The following UGT2B7 variants were observed in gnomAD, a reference collection of about 807,000 sequenced individuals.
The protein encoded by UGT2B7 is UDP glucuronosyltransferase family 2 member B7, also known as UDP-glucuronosyltransferase 2B7.
Under a neutral mutation model 51.9 loss-of-function variants are expected in UGT2B7, and 51 were observed. The ratio of observed to expected loss-of-function variants is 0.98; its 90% CI spans 0.78 to 1.24. UGT2B7 has a LOEUF of 1.24. Among genes scored for constraint, UGT2B7 ranks in the 50% most tolerant of loss-of-function variants. The probability of loss-of-function intolerance (pLI) is 0.00; values close to 1 mark genes in which losing one functional copy is unlikely to be tolerated. For synonymous variants in UGT2B7, 225 were observed against 211.6 expected (o/e 1.06, Z -0.55); for missense variants, 727 against 628.4 (o/e 1.16, Z -1.68).
chr4:69,103,112 T>TC (rs1451893246), intron 3 of UGT2B7, among the ~76,000 whole-genome samples, 174 bp downstream of exon 3: 1 of 151,524 alleles, frequency 6.6e-6, no homozygotes, highest in African/African-American at 2.4e-5. Context: ...GTTGCATTTT[T>TC]TTTTAAATGG....
At chr4:69,086,670 A>T (rs548284308) in intron 1 of UGT2B7, among the ~76,000 whole-genome samples, 1 of 151,906 alleles carries the variant, frequency 6.6e-6, no homozygotes, top group Admixed American at 6.6e-5. Context: ...TGTTATGACC[A>T]TATATATTTA....
At chr4:69,071,252 C>T (rs751889361) in intron 1 of UGT2B7, among the ~76,000 whole-genome samples, 8 of 151,996 alleles carry the variant, frequency 5.3e-5, no homozygotes, top group Non-Finnish European at 1.2e-4. Flanking sequence ...CTCACCTTGT[C>T]AAGTATGATA....
At chr4:69,068,362 G>A (rs2109867075) in intron 1 of UGT2B7, among the ~76,000 whole-genome samples, 1 of 152,104 alleles carries the variant, frequency 6.6e-6, no homozygotes, top group South Asian at 2.1e-4. Flanking sequence ...TACAGTGGTG[G>A]TTGATTTGCT....
chr4:69,103,699 G>A (rs2109889651), intron 3 of UGT2B7, among the ~76,000 whole-genome samples: 1 of 152,246 alleles, frequency 6.6e-6, no homozygotes, highest in East Asian at 1.9e-4. Flanking sequence ...AATGAGTGAA[G>A]AACACTTGAC....
chr4:69,061,321 G>T (rs1164173172), intron 1 of UGT2B7, among the ~76,000 whole-genome samples: 3 of 152,220 alleles, frequency 2.0e-5, no homozygotes, highest in Non-Finnish European at 4.4e-5. Flanking sequence ...ACGGCTCCTG[G>T]ATGTGGTATG....
intron 1 of UGT2B7, among the ~76,000 whole-genome samples, chr4:69,056,346 G>A (rs574103842): frequency 3.3e-5 from 5 of 152,314 alleles, no homozygotes; most frequent in East Asian, 3.9e-4. Context: ...TAATAAAACC[G>A]ATCAAGCCTT....
In UGT2B7 at chr4:69,075,768, G is replaced by A. The variant is rs940224943; in HGVS notation, c.-158-13704G>A. On this transcript the variant is annotated intron_variant, in intron 1 of 5. Transcript: ENST00000502942. ...TTATAAAGTGATAAATAACTACAAG[G>A]ATATTTCTTTATTGTATTATGTTTA... is the stretch of plus-strand genomic sequence containing the variant. 2.6e-5 allele frequency among the ~76,000 whole-genome samples: 4 copies of A among 152,000 alleles called. No homozygotes were observed. In the South Asian group the frequency reaches 6.2e-4, roughly 24 times the overall value.
intron 1 of UGT2B7, among the ~76,000 whole-genome samples, chr4:69,055,963 A>G (rs1718182174): frequency 6.6e-6 from 1 of 152,194 alleles, no homozygotes; most frequent in African/African-American, 2.4e-5. Flanking sequence ...CCAAAGTTGC[A>G]TACTGTTTAG....
intron 1 of UGT2B7, among the ~76,000 whole-genome samples, chr4:69,085,869 T>G (rs561242448): frequency 1.3e-5 from 2 of 151,998 alleles, no homozygotes; most frequent in South Asian, 4.1e-4. Flanking sequence ...GTATCAGTTG[T>G]TATGTATCCT....
chr4:69,067,193 C>T (rs1160937514), intron 1 of UGT2B7, among the ~76,000 whole-genome samples: 1 of 152,152 alleles, frequency 6.6e-6, no homozygotes, highest in Non-Finnish European at 1.5e-5. Context: ...AAGACACATA[C>T]CACATCTTAA....
intron 3 of UGT2B7, among the ~76,000 whole-genome samples, chr4:69,104,070 C>T (rs6600887): frequency 0.59 from 89,983 of 151,942 alleles, 28,016 homozygotes; most frequent in African/African-American, 0.77. Flanking sequence ...AGGCGAATCA[C>T]GAGGTCAGAA....
chr4:69,103,152 T>G (rs1468467931), intron 3 of UGT2B7, among the ~76,000 whole-genome samples: 1 of 152,042 alleles, frequency 6.6e-6, no homozygotes, highest in Non-Finnish European at 1.5e-5. Flanking sequence ...CCTATGTAAA[T>G]ATGCTGACAA....
chr4:69,064,048 GAAAGAAAGAAAGAAAGA>G (rs1560499613), intron 1 of UGT2B7, among the ~76,000 whole-genome samples: 2 of 92,100 alleles, frequency 2.2e-5, no homozygotes, highest in African/African-American at 1.2e-4. Flanking sequence ...AAGAAAGAAA[GAAAGAAAGAAAGAAAGA>G]AAGAAAGAAA....
intron 1 of UGT2B7, among the ~76,000 whole-genome samples, chr4:69,077,983 C>A (rs959652229): frequency 6.6e-6 from 1 of 152,104 alleles, no homozygotes; most frequent in African/African-American, 2.4e-5. Flanking sequence ...GAGTTTTTAG[C>A]ATGAAGTGAT....
At chr4:69,065,552 C>T (rs544759848) in intron 1 of UGT2B7, among the ~76,000 whole-genome samples, 16 of 152,174 alleles carry the variant, frequency 1.1e-4, no homozygotes, top group African/African-American at 1.9e-4. Context: ...CTAATATTCT[C>T]GATATATGTG....
chr4:69,112,361 C>CT (rs1719798783), intron 5 of UGT2B7, 96 bp from the exon 6 acceptor site: 2 of 1,480,334 alleles, frequency 1.4e-6, no homozygotes, highest in Non-Finnish European at 1.8e-6. Context: ...CCGATGCTCC[C>CT]AGCCGAATAA....
chr4:69,062,499 G>A (rs930140697), intron 1 of UGT2B7, among the ~76,000 whole-genome samples: 3 of 152,154 alleles, frequency 2.0e-5, no homozygotes, highest in Non-Finnish European at 2.9e-5. Context: ...AGCCCCATAT[G>A]GGACGGGCCC....
intron 1 of UGT2B7, among the ~76,000 whole-genome samples, chr4:69,082,469 T>C (rs1718861511): frequency 6.6e-6 from 1 of 151,476 alleles, no homozygotes. Context: ...AATGCCCAAA[T>C]GGTAAAAAAG....
intron 3 of UGT2B7, among the ~76,000 whole-genome samples, chr4:69,104,180 G>A (rs6600889): frequency 0.59 from 89,974 of 151,856 alleles, 28,022 homozygotes; most frequent in African/African-American, 0.77. Flanking sequence ...ACAGCTACTC[G>A]GGAGGCTGGG....
Sources: gnomAD v4.1 joint callset for allele counts (sites outside exome capture counted in the v4.1 genomes callset) on GRCh38, gnomAD v4.1.1 for gene constraint, MANE v1.5 for transcripts, NCBI Gene and HGNC (gene_info 2026-07-23, HGNC 2026-07-21) for gene names.